The following HNF4G variants were observed in gnomAD, a reference collection of about 807,000 sequenced individuals.
HNF4G encodes the protein hepatocyte nuclear factor 4-gamma.
HNF4G carries 21 observed loss-of-function variants against 50.9 expected under a neutral mutation model. The ratio of observed to expected loss-of-function variants is 0.41; its 90% confidence interval spans 0.29 to 0.59. The LOEUF is 0.59. HNF4G is among the 20% of genes least tolerant of loss of function. The probability of loss-of-function intolerance (pLI) is 0.26; values close to 1 mark genes in which losing one functional copy is unlikely to be tolerated. For synonymous variants in HNF4G, 198 were observed against 185.6 expected, an observed-to-expected ratio of 1.07 and a Z score of -0.54; for missense variants, 527 against 559.4, an observed-to-expected ratio of 0.94 and a Z score of 0.58.
intron 1 of HNF4G, among the ~76,000 whole-genome samples, chr8:75,443,045 G>A (rs1020595126): frequency 3.3e-5 from 5 of 152,140 alleles, no homozygotes; most frequent in Admixed American, 6.5e-5. Context: ...TTTAGGAGGT[G>A]ATTAAGTCCT....
intron 1 of HNF4G, among the ~76,000 whole-genome samples, chr8:75,445,573 C>T (rs1187741025): frequency 4.5e-4 from 29 of 64,628 alleles, no homozygotes; most frequent in African/African-American, 2.1e-3. Flanking sequence ...ATCAAATAGA[C>T]ACAATAAAAA....
chr8:75,431,891 A>T (rs901423242), intron 1 of HNF4G, among the ~76,000 whole-genome samples: 1 of 151,648 alleles, frequency 6.6e-6, no homozygotes, highest in African/African-American at 2.4e-5. Flanking sequence ...GCACCATTGC[A>T]CTCCAGCCTG....
At chr8:75,472,459 C>G (rs1375811114) in intron 1 of HNF4G, among the ~76,000 whole-genome samples, 1 of 152,146 alleles carries the variant, frequency 6.6e-6, no homozygotes, top group African/African-American at 2.4e-5. Flanking sequence ...GATGGAAAAA[C>G]TGAATTTGAG....
At chr8:75,493,881 G>T (rs918254675) in intron 2 of HNF4G, among the ~76,000 whole-genome samples, 1 of 152,060 alleles carries the variant, frequency 6.6e-6, no homozygotes, top group Admixed American at 6.5e-5. Flanking sequence ...GCAATTGGGG[G>T]TACATTTTCT....
At chr8:75,434,204 G>A (rs1435921101) in intron 1 of HNF4G, among the ~76,000 whole-genome samples, 11 of 151,812 alleles carry the variant, frequency 7.2e-5, no homozygotes, top group African/African-American at 2.2e-4. Flanking sequence ...AGGTTGTACC[G>A]TGCTGGCCAG....
At chr8:75,503,473 T>C (rs1055268937) in intron 2 of HNF4G, among the ~76,000 whole-genome samples, 14 of 152,200 alleles carry the variant, frequency 9.2e-5, no homozygotes, top group Admixed American at 4.6e-4. Flanking sequence ...TGAGAGATGT[T>C]GTCAAGATAT....
intron 1 of HNF4G, among the ~76,000 whole-genome samples, chr8:75,444,220 G>A (rs996960618): frequency 8.8e-4 from 130 of 147,312 alleles, no homozygotes; most frequent in South Asian, 2.4e-3. Flanking sequence ...TTACAGACAA[G>A]CAAATGCTGA....
At position 75,560,378 on chromosome 8, in the gene HNF4G, A is replaced by G. The variant is rs372960353; in HGVS notation, c.1158A>G (p.Pro386=). 15 of 1,613,236 alleles carry G rather than the reference A, an allele frequency of 9.3e-6. No homozygotes were observed. The highest frequency in any genetic ancestry group is 1.1e-5 in the Non-Finnish European group (13 of 1,179,446). The stretch of plus-strand genomic sequence containing the variant: ...ATGATGGCAGTCATCTCCATCATCC[A>G]ATGCATCCACATTTGTCTCAAGACC... The part of the protein sequence containing the change: ...ASNDGSHLHH[P]MHPHLSQDPL... The change falls in exon 9 of 10, where the codon CCA becomes CCG. Residue 386 remains proline, a synonymous_variant. Coordinates refer to ENST00000396423, the MANE Select transcript of HNF4G (RefSeq NM_004133.5).
chr8:75,506,437 G>A (rs184716410), intron 2 of HNF4G, among the ~76,000 whole-genome samples: 30 of 151,826 alleles, frequency 2.0e-4, no homozygotes, highest in Admixed American at 1.8e-3. Context: ...TTATCCTTTT[G>A]AATAATACTG....
At chr8:75,500,295 A>G (rs1169430638) in intron 2 of HNF4G, among the ~76,000 whole-genome samples, 3 of 152,160 alleles carry the variant, frequency 2.0e-5, no homozygotes, top group Admixed American at 2.0e-4. Flanking sequence ...AGTCATTAGG[A>G]AAATGCAATT....
At chr8:75,415,163 T>C (rs568072876) in intron 1 of HNF4G, among the ~76,000 whole-genome samples, 21 of 152,356 alleles carry the variant, frequency 1.4e-4, no homozygotes, top group African/African-American at 5.0e-4. Context: ...CATAAATGAT[T>C]ATCTTTGGTG....
intron 1 of HNF4G, among the ~76,000 whole-genome samples, chr8:75,424,222 T>C (rs1362553241): frequency 1.3e-5 from 2 of 152,190 alleles, no homozygotes; most frequent in African/African-American, 4.8e-5. Flanking sequence ...ATTATTGAAT[T>C]ATTTTTTCCT....
At chr8:75,561,673 G>T (rs1807315974) in intron 9 of HNF4G, among the ~76,000 whole-genome samples, 1 of 152,132 alleles carries the variant, frequency 6.6e-6, no homozygotes, top group Non-Finnish European at 1.5e-5. Flanking sequence ...TTATGAAATT[G>T]CTCACTCTTA....
intron 2 of HNF4G, among the ~76,000 whole-genome samples, chr8:75,518,424 G>A (rs1200838892): frequency 2.0e-5 from 3 of 152,004 alleles, no homozygotes; most frequent in East Asian, 1.9e-4. Flanking sequence ...TCGGTGTGGC[G>A]ATTCCTCAGG....
intron 1 of HNF4G, among the ~76,000 whole-genome samples, chr8:75,466,788 A>T (rs969942387): frequency 5.9e-5 from 9 of 151,528 alleles, no homozygotes; most frequent in Non-Finnish European, 1.0e-4. Context: ...GGCTCAAGAG[A>T]TCCTCCTGCC....
At chr8:75,463,066 G>T (rs73688893) in intron 1 of HNF4G, among the ~76,000 whole-genome samples, 23,306 of 137,884 alleles carry the variant, frequency 0.17, 2,065 homozygotes, top group African/African-American at 0.23. Flanking sequence ...TTGTTTTTTT[G>T]TTTTTTTTTT....
chr8:75,526,593 G>A (rs1200256821), intron 2 of HNF4G, among the ~76,000 whole-genome samples: 1 of 151,634 alleles, frequency 6.6e-6, no homozygotes, highest in Non-Finnish European at 1.5e-5. Flanking sequence ...GAGTACAGTG[G>A]CACCATCATA....
chr8:75,558,433 G>C, intron 6 of HNF4G, 85 bp from the exon 7 acceptor site: 1 of 1,246,358 alleles, frequency 8.0e-7, no homozygotes, highest in Admixed American at 2.3e-5. Flanking sequence ...TTTAAACACC[G>C]GTTTGTTAAA....
Position 75,512,609 on chromosome 8 carries a change from C to T in HNF4G, c.-24+22401C>T, listed in dbSNP as rs138452829. Among the ~76,000 whole-genome samples, 1,139 of 151,954 alleles carry T rather than the reference C, an allele frequency of 7.5e-3. 15 individuals are homozygous for T. Among genetic ancestry groups the T allele is most frequent in the African/African-American group, 0.026 (1,068 of 41,454 alleles). The stretch of plus-strand genomic sequence containing the variant: ...CCTCTGGAGTAGCTGGGACTACAGG[C>T]GCCAGCCAAGACGCCCGGCTAATTT... On this transcript the variant is annotated intron_variant, in intron 2 of 10. Transcript: ENST00000354370.
Sources: allele counts gnomAD v4.1 joint callset (sites outside exome capture counted in the v4.1 genomes callset), GRCh38; gene constraint gnomAD v4.1.1; transcripts MANE v1.5; gene names NCBI Gene and HGNC (gene_info 2026-07-23, HGNC 2026-07-21).